The following COL21A1 variants were observed in gnomAD, a reference collection of about 807,000 sequenced individuals.
COL21A1 encodes collagen alpha-1(XXI) chain.
In COL21A1, 149 loss-of-function variants were observed where a neutral mutation model predicts 137.9. The ratio of observed to expected loss-of-function variants is 1.08; its 90% CI spans 0.95 to 1.24. The LOEUF (loss-of-function observed/expected upper bound fraction) is 1.24, where lower values mean the gene tolerates loss of function less well. Among genes scored for constraint, COL21A1 ranks in the 50% most tolerant of loss-of-function variants. COL21A1 has a pLI of 0.00. For missense variants in COL21A1, 1,167 were observed against 1,158.4 expected, an observed-to-expected ratio of 1.01 and a Z score of -0.11; for synonymous variants, 456 against 391.5, an observed-to-expected ratio of 1.16 and a Z score of -1.95.
At chr6:56,215,969 G>A (rs2152309275) in intron 1 of COL21A1, among the ~76,000 whole-genome samples, 1 of 152,134 alleles carries the variant, frequency 6.6e-6, no homozygotes, top group East Asian at 1.9e-4. Context: ...AGTTCCTTGA[G>A]GGCAGAGTTT....
rs569336505 is a variant in COL21A1, at chr6:56,308,412, G to T, written c.-39+85559C>A. Among the ~76,000 whole-genome samples, 3 of 152,270 alleles carry T rather than the reference G, an allele frequency of 2.0e-5. No individual in the cohort carries two copies. In the South Asian group the frequency reaches 6.2e-4, roughly 32 times the overall value. On this transcript the variant is annotated intron_variant, in intron 1 of 28. Transcript: ENST00000370819. The stretch of plus-strand genomic sequence containing the variant: ...AGCCTGTGATATTTTTGTTAAACTA[G>T]CCCAAAGGGACTAAGACAATAAATT...
chr6:56,303,367 G>A (rs921330844), intron 1 of COL21A1, among the ~76,000 whole-genome samples: 5 of 151,768 alleles, frequency 3.3e-5, no homozygotes, highest in Non-Finnish European at 7.4e-5. Flanking sequence ...CCATGAGCAT[G>A]GAATGTTCTT....
intron 9 of COL21A1, among the ~76,000 whole-genome samples, chr6:56,161,733 C>T (rs1302266601): frequency 6.6e-6 from 1 of 151,986 alleles, no homozygotes; most frequent in Non-Finnish European, 1.5e-5. Context: ...TTTTTTGATG[C>T]CTGATAAAGA....
chr6:56,192,289 G>A (rs1162608787), intron 1 of COL21A1, among the ~76,000 whole-genome samples: 1 of 152,046 alleles, frequency 6.6e-6, no homozygotes, highest in African/African-American at 2.4e-5. Context: ...CATAGGCATG[G>A]GCAAAGACTT....
At chr6:56,317,705 C>T (rs9475666) in intron 1 of COL21A1, among the ~76,000 whole-genome samples, 44,774 of 151,922 alleles carry the variant, frequency 0.29, 6,966 homozygotes, top group Non-Finnish European at 0.35. Context: ...ACTACCACCT[C>T]GTATATCTCC....
chr6:56,156,716 C>T (rs1388858001), intron 10 of COL21A1, among the ~76,000 whole-genome samples, 171 bp downstream of exon 10: 1 of 152,228 alleles, frequency 6.6e-6, no homozygotes, highest in Non-Finnish European at 1.5e-5. Flanking sequence ...TGTCCTAGTG[C>T]TCACACACCC....
At chr6:56,301,359 A>G (rs1764274876) in intron 1 of COL21A1, among the ~76,000 whole-genome samples, 1 of 152,184 alleles carries the variant, frequency 6.6e-6, no homozygotes, top group East Asian at 1.9e-4. Context: ...GAATGCAGGC[A>G]TTCTCTAGAA....
At chr6:56,237,773 A>C (rs1206184491) in intron 1 of COL21A1, among the ~76,000 whole-genome samples, 1 of 152,152 alleles carries the variant, frequency 6.6e-6, no homozygotes. Flanking sequence ...GGCTCTAACT[A>C]TTCTACAGAG....
At chr6:56,347,747 C>A (rs755075280) in intron 1 of COL21A1, among the ~76,000 whole-genome samples, 1 of 152,000 alleles carries the variant, frequency 6.6e-6, no homozygotes, top group Non-Finnish European at 1.5e-5. Flanking sequence ...TAGAAAATCT[C>A]TTTCTGATGA....
chr6:56,090,043 C>T (rs1768650477), intron 17 of COL21A1, among the ~76,000 whole-genome samples: 1 of 152,096 alleles, frequency 6.6e-6, no homozygotes, highest in African/African-American at 2.4e-5. Context: ...AGATCAAGAC[C>T]ATCCTGGCCA....
intron 16 of COL21A1, among the ~76,000 whole-genome samples, chr6:56,118,730 C>G (rs1266611996): frequency 6.6e-6 from 1 of 151,904 alleles, no homozygotes; most frequent in East Asian, 1.9e-4. Context: ...TCATTCATCA[C>G]AACAACCAAG....
At chr6:56,303,628 G>T (rs192401581) in intron 1 of COL21A1, among the ~76,000 whole-genome samples, 5 of 152,076 alleles carry the variant, frequency 3.3e-5, no homozygotes, top group African/African-American at 9.7e-5. Context: ...AAGGAGATTT[G>T]GGGCTGAGAC....
chr6:56,260,649 A>AAAGAGAGAGAG (rs1763237839), intron 1 of COL21A1, among the ~76,000 whole-genome samples: 5 of 43,426 alleles, frequency 1.2e-4, no homozygotes, highest in African/African-American at 1.9e-4. Context: ...GGAAGGAAGG[A>AAAGAGAGAGAG]AGGAAGGAAT....
intron 17 of COL21A1, among the ~76,000 whole-genome samples, chr6:56,094,285 G>C (rs1769126764): frequency 6.6e-6 from 1 of 152,122 alleles, no homozygotes; most frequent in African/African-American, 2.4e-5. Context: ...GCCACTTTAT[G>C]ACAAGGTGTC....
At chr6:56,265,626 C>T (rs757545646) in intron 1 of COL21A1, among the ~76,000 whole-genome samples, 1 of 152,180 alleles carries the variant, frequency 6.6e-6, no homozygotes, top group Non-Finnish European at 1.5e-5. Context: ...ACTCCATATC[C>T]CATGGTTCCC....
In COL21A1 at chr6:56,181,991, T is replaced by TC. The variant is rs533702232; in HGVS notation, c.88+539_88+540insG. Reference sequence around the variant, plus strand: ...TCTCATTTAACTTTTATAGAGACCTTAGTTAATTTATAGTAGGATGCTTAT... The same window carrying TC: ...TCTCATTTAACTTTTATAGAGACCTTCAGTTAATTTATAGTAGGATGCTTAT... On this transcript the variant is annotated intron_variant, in intron 2 of 29. Coordinates refer to ENST00000244728, the MANE Select transcript of COL21A1 (RefSeq NM_030820.4). Among the ~76,000 whole-genome samples the TC allele has an allele frequency of 1.7e-3, 261 of 152,272 alleles. 2 individuals carry two copies. Among genetic ancestry groups the TC allele is most frequent in the African/African-American group, 6.0e-3 (250 of 41,570 alleles).
At chr6:56,121,625 G>T (rs966489567) in intron 16 of COL21A1, among the ~76,000 whole-genome samples, 1 of 149,392 alleles carries the variant, frequency 6.7e-6, no homozygotes, top group East Asian at 1.9e-4. Flanking sequence ...ACAATACCAA[G>T]AATTAACTCT....
rs569870400 is a variant in COL21A1 at position 56,309,370 on chromosome 6, T to C, written c.-39+84601A>G. 8.2e-4 allele frequency among the ~76,000 whole-genome samples: 125 copies of C among 152,308 alleles called. 1 individual carries two copies. The South Asian group carries it at 0.019, about 23-fold the overall frequency. ...CTGGGTTTCCTCAGATCACCCTTTT[T>C]GCAGGCTGAGGTCTTCAGAAGCAGA... On this transcript the variant is annotated intron_variant, in intron 1 of 28. Transcript: ENST00000370819.
At chr6:56,348,550 C>T (rs570833471) in intron 1 of COL21A1, among the ~76,000 whole-genome samples, 1 of 152,236 alleles carries the variant, frequency 6.6e-6, no homozygotes, top group East Asian at 1.9e-4. Flanking sequence ...AGAGGTTCTT[C>T]TGTAGCATGG....
Sources: gnomAD v4.1 joint callset for allele counts (sites outside exome capture counted in the v4.1 genomes callset) on GRCh38, gnomAD v4.1.1 for gene constraint, MANE v1.5 for transcripts, NCBI Gene and HGNC (gene_info 2026-07-23, HGNC 2026-07-21) for gene names.